Variants in MEIOB observed in about 807,000 individuals in gnomAD.
MEIOB encodes the protein meiosis-specific with OB domain-containing protein.
Under a neutral mutation model 53.1 loss-of-function variants are expected in MEIOB, and 50 were observed. The observed-to-expected ratio is 0.94, with a 90% confidence interval of 0.75 to 1.19. MEIOB has a LOEUF of 1.19. MEIOB is among the 50% of genes most tolerant of loss of function. MEIOB has a pLI of 0.00. For synonymous variants in MEIOB, 192 were observed against 182.5 expected (o/e 1.05, Z -0.42); for missense variants, 551 against 550.8 (o/e 1.00, Z 0.00).
chr16:1,851,363 G>A (rs964247253), intron 9 of MEIOB, among the ~76,000 whole-genome samples: 4 of 152,078 alleles, frequency 2.6e-5, no homozygotes, highest in Admixed American at 6.6e-5. Flanking sequence ...CAGCGTGCCC[G>A]ACCACCTTGT....
At chr16:1,858,888 T>C (rs2150820550) in intron 5 of MEIOB, among the ~76,000 whole-genome samples, 1 of 152,300 alleles carries the variant, frequency 6.6e-6, no homozygotes, top group East Asian at 1.9e-4. Flanking sequence ...CCAAGAATAT[T>C]CTCTCCATCT....
chr16:1,834,578 G>A (rs998187955), intron 13 of MEIOB, among the ~76,000 whole-genome samples: 6 of 152,192 alleles, frequency 3.9e-5, no homozygotes, highest in Non-Finnish European at 7.3e-5. Flanking sequence ...GACTGATTTT[G>A]TAAAAATTTT....
chr16:1,872,099 C>T lies in MEIOB; in HGVS notation c.-116G>A, dbSNP rs1037452324. Reference sequence around the variant, plus strand: ...GGTCGCCCGCGCTTCGCGGCTTCTCCACAGGACGCTCGGGCCACAGCCTCG... The same window carrying T: ...GGTCGCCCGCGCTTCGCGGCTTCTCTACAGGACGCTCGGGCCACAGCCTCG... On this transcript the variant is annotated 5_prime_UTR_variant, in exon 1 of 14. Transcript: ENST00000325962. 1 of 151,826 alleles carries T rather than the reference C, an allele frequency of 6.6e-6. No homozygotes were observed. Among genetic ancestry groups the T allele is most frequent in the African/African-American group, 2.4e-5 (1 of 41,370 alleles). 9.4% of individuals were successfully genotyped at this position (151,826 alleles called of 1,614,324 possible).
intron 9 of MEIOB, among the ~76,000 whole-genome samples, chr16:1,848,347 T>C (rs1899073615): frequency 6.6e-6 from 1 of 152,108 alleles, no homozygotes; most frequent in Non-Finnish European, 1.5e-5. Flanking sequence ...ACTCTCTTCA[T>C]CTCTTCAGGT....
Position 1,871,786 on chromosome 16 carries a change from C to A in MEIOB, c.-10+207G>T. Among the ~76,000 whole-genome samples, 3 of 52,900 alleles carry A rather than the reference C, an allele frequency of 5.7e-5. No individual in the cohort carries two copies. In the South Asian group the frequency reaches 2.1e-3, roughly 36 times the overall value. The allele number at this position is 52,900 out of a possible 152,430, so 34.7% of individuals were successfully genotyped here. A position where few individuals can be genotyped will look rare whatever the true frequency, so the allele number is the denominator to read the frequency against. The stretch of plus-strand genomic sequence containing the variant: ...CAGCTTGGCCAACATGGTGAAACCC[C>A]GTCTATACTAAAAATACAAAAAAAA... On this transcript the variant is annotated intron_variant, in intron 1 of 13. Transcript: ENST00000325962.
At position 1,872,160 on chromosome 16, in the gene MEIOB, G is replaced by C. The variant is rs1174256476; in HGVS notation, c.-177C>G. 6.6e-6 allele frequency: 1 copy of C among 152,076 alleles called. No homozygotes were observed. Among genetic ancestry groups the C allele is most frequent in the Non-Finnish European group, 1.5e-5 (1 of 68,108 alleles). The allele number at this position is 152,076 out of a possible 1,614,324, so 9.4% of individuals were successfully genotyped here. ...ACGGCCGCGCGACCGTTAGCGCGAGGCCCCGCCCCGTCCTCAGCGACTCCG... is the reference window on the plus strand; with the variant it reads ...ACGGCCGCGCGACCGTTAGCGCGAGCCCCCGCCCCGTCCTCAGCGACTCCG... On this transcript the variant is annotated 5_prime_UTR_variant, in exon 1 of 14. Coordinates refer to ENST00000325962, the MANE Select transcript of MEIOB (RefSeq NM_001163560.3).
At chr16:1,845,870 AC>A (rs1367005113) in intron 9 of MEIOB, among the ~76,000 whole-genome samples, 2 of 152,058 alleles carry the variant, frequency 1.3e-5, no homozygotes, top group East Asian at 3.9e-4. Context: ...ATGATTAAGT[AC>A]CCCAGGCCCC....
At chr16:1,864,376 C>T (rs1899530382) in intron 3 of MEIOB, among the ~76,000 whole-genome samples, 1 of 151,472 alleles carries the variant, frequency 6.6e-6, no homozygotes, top group African/African-American at 2.4e-5. Context: ...ATACTTCTTC[C>T]AAAAAAGGAA....
chr16:1,847,226 C>A (rs1899049092), intron 9 of MEIOB, among the ~76,000 whole-genome samples: 2 of 151,418 alleles, frequency 1.3e-5, no homozygotes, highest in South Asian at 4.2e-4. Flanking sequence ...CTGTGGGAGG[C>A]TGAGGCAGGT....
chr16:1,850,128 A>G (rs905124856), intron 9 of MEIOB, among the ~76,000 whole-genome samples: 4 of 152,178 alleles, frequency 2.6e-5, no homozygotes, highest in African/African-American at 4.8e-5. Flanking sequence ...AACATCCTAT[A>G]ATATCTGTCT....
intron 3 of MEIOB, 91 bp downstream of exon 3, chr16:1,865,687 G>T: frequency 6.7e-6 from 6 of 897,070 alleles, no homozygotes; most frequent in Non-Finnish European, 1.0e-5. Context: ...AGTTAAACAG[G>T]CATAGAAAAA....
At chr16:1,846,985 T>C (rs556345590) in intron 9 of MEIOB, among the ~76,000 whole-genome samples, 125 of 151,784 alleles carry the variant, frequency 8.2e-4, no homozygotes, top group African/African-American at 2.8e-3. Context: ...TGAAACCCCG[T>C]CTCTACTAAA....
Position 1,857,717 on chromosome 16 carries a change from G to C in MEIOB, c.528+18C>G, listed in dbSNP as rs1490932949. 4.5e-6 allele frequency: 7 copies of C among 1,548,326 alleles called. No individual in the cohort carries two copies. The highest frequency in any genetic ancestry group is 5.2e-6 in the Non-Finnish European group (6 of 1,145,038). ...CCCCTGCCAGATTGCACTTGGCTTTGTCGGGGTTTTAACTTACCGATTTCA... is the reference window on the plus strand; with the variant it reads ...CCCCTGCCAGATTGCACTTGGCTTTCTCGGGGTTTTAACTTACCGATTTCA... On this transcript the variant is annotated intron_variant, in intron 6 of 13. Coordinates refer to ENST00000325962, the MANE Select transcript of MEIOB (RefSeq NM_001163560.3).
intron 4 of MEIOB, 30 bp downstream of exon 4, chr16:1,861,955 G>C (rs1181196744): frequency 1.3e-6 from 2 of 1,544,086 alleles, no homozygotes; most frequent in African/African-American, 1.4e-5. Flanking sequence ...CACTATGATG[G>C]AAAAAGTTTA....
At chr16:1,837,922 T>C in intron 12 of MEIOB, 52 bp from the exon 13 acceptor site, 2 of 1,456,176 alleles carry the variant, frequency 1.4e-6, no homozygotes, top group Non-Finnish European at 9.1e-7. Flanking sequence ...ACAAAGAAAA[T>C]TCATTTTTGA....
intron 13 of MEIOB, among the ~76,000 whole-genome samples, chr16:1,836,780 C>G (rs766254078): frequency 6.1e-5 from 9 of 147,236 alleles, no homozygotes; most frequent in Non-Finnish European, 1.1e-4. Context: ...ATTCTCTCAT[C>G]AGCACGCAAT....
At chr16:1,840,761 A>C (rs963119315) in intron 11 of MEIOB, among the ~76,000 whole-genome samples, 9 of 152,080 alleles carry the variant, frequency 5.9e-5, no homozygotes, top group Non-Finnish European at 1.0e-4. Context: ...CGTGTTAGCC[A>C]GGATGGTCTC....
chr16:1,867,042 T>C (rs1444793956), intron 2 of MEIOB, among the ~76,000 whole-genome samples: 1 of 152,202 alleles, frequency 6.6e-6, no homozygotes, highest in Non-Finnish European at 1.5e-5. Flanking sequence ...GCAAATAGTT[T>C]ACCTTTCAAG....
intron 7 of MEIOB, among the ~76,000 whole-genome samples, chr16:1,853,872 G>C (rs540079898): frequency 6.6e-6 from 1 of 152,292 alleles, no homozygotes; most frequent in African/African-American, 2.4e-5. Context: ...TAATAAAACT[G>C]GGCACGGTGG....
Sources: allele counts gnomAD v4.1 joint callset (sites outside exome capture counted in the v4.1 genomes callset), GRCh38; gene constraint gnomAD v4.1.1; transcripts MANE v1.5; gene names NCBI Gene and HGNC (gene_info 2026-07-23, HGNC 2026-07-21).